The following GGACT variants were observed in gnomAD, a reference collection of about 807,000 sequenced individuals.
The protein encoded by GGACT is gamma-glutamylaminecyclotransferase.
For missense variants in GGACT, 241 were observed against 233.2 expected (o/e 1.03, Z -0.22); for synonymous variants, 118 against 115.3 (o/e 1.02, Z -0.15).
intron 2 of GGACT, among the ~76,000 whole-genome samples, chr13:100,569,970 T>A (rs1875032503): frequency 6.6e-6 from 1 of 152,238 alleles, no homozygotes; most frequent in Non-Finnish European, 1.5e-5. Context: ...CAGCCTGGAC[T>A]TTATTGTCCA....
chr13:100,534,189 T>C lies in GGACT; in HGVS notation c.-10-1588A>G, dbSNP rs2088457663. On this transcript the variant is annotated intron_variant, in intron 2 of 2. Transcript: ENST00000683975. This position sits in a 1 kb window ranked among gnomAD's most constrained non-coding sequence, Gnocchi z 4.9. ...GCACGTCTGCTGCCTCTTGGTTCTA[T>C]CACCAGCCTGTGCAACAACAGTATT... 6.6e-6 allele frequency among the ~76,000 whole-genome samples: 1 copy of C among 152,190 alleles called. No individual in the cohort carries two copies. The highest frequency in any genetic ancestry group is 2.4e-5 in the African/African-American group (1 of 41,446).
chr13:100,575,407 T>C (rs1408961174), intron 2 of GGACT, among the ~76,000 whole-genome samples: 6 of 152,222 alleles, frequency 3.9e-5, no homozygotes, highest in Non-Finnish European at 8.8e-5. Flanking sequence ...TGTTCCTAAA[T>C]CAGACAAAGA....
Position 100,530,244 on chromosome 13 carries a change from A to C in GGACT, c.*1886T>G, listed in dbSNP as rs1178417074. 8.7e-7 allele frequency: 1 copy of C among 1,149,032 alleles called. No individual in the cohort carries two copies. The highest frequency in any genetic ancestry group is 1.3e-6 in the Non-Finnish European group (1 of 761,126). The allele number at this position is 1,149,032 out of a possible 1,614,324, so 71.2% of individuals were successfully genotyped here. Reference sequence around the variant, plus strand: ...GCTTTCACACACAATTGATTCAAGCATTATACAGGAACACCCCTGTGCAGC... The same window carrying C: ...GCTTTCACACACAATTGATTCAAGCCTTATACAGGAACACCCCTGTGCAGC... On this transcript the variant is annotated 3_prime_UTR_variant, in exon 3 of 3. Coordinates refer to ENST00000683975, the MANE Select transcript of GGACT (RefSeq NM_001195087.2).
At chr13:100,587,056 T>C (rs1318899321) in intron 1 of GGACT, 1 of 152,198 alleles carries the variant, frequency 6.6e-6, no homozygotes, top group Non-Finnish European at 1.5e-5. Context: ...ATATTTCGTG[T>C]TTCTGTCCTC....
intron 2 of GGACT, among the ~76,000 whole-genome samples, chr13:100,563,053 C>T (rs927578620): frequency 4.6e-5 from 7 of 152,144 alleles, no homozygotes; most frequent in Non-Finnish European, 7.4e-5. Flanking sequence ...CCAACCCTGC[C>T]GGCCCCTGAT....
intron 2 of GGACT, among the ~76,000 whole-genome samples, chr13:100,547,026 T>G (rs2088612630): frequency 6.6e-6 from 1 of 152,208 alleles, no homozygotes; most frequent in African/African-American, 2.4e-5. Context: ...ACGATGGGCC[T>G]TCAGGCTGTT....
At chr13:100,572,231 T>G (rs1376374609) in intron 2 of GGACT, among the ~76,000 whole-genome samples, 2 of 152,140 alleles carry the variant, frequency 1.3e-5, no homozygotes, top group Non-Finnish European at 2.9e-5. Flanking sequence ...GGAAGGAAAT[T>G]CTGACCCATC....
chr13:100,588,145 G>C (rs1226745448), intron 1 of GGACT, among the ~76,000 whole-genome samples: 1 of 152,172 alleles, frequency 6.6e-6, no homozygotes, highest in Non-Finnish European at 1.5e-5. Flanking sequence ...TGAGCTTGTG[G>C]CGTTGTCCTT....
intron 2 of GGACT, chr13:100,540,284 C>T: frequency 2.8e-6 from 3 of 1,062,736 alleles, no homozygotes; most frequent in Middle Eastern, 2.1e-4. Context: ...GTGGGCTTTT[C>T]TTTTGGGGGA....
chr13:100,579,260 A>G (rs1875340976), intron 2 of GGACT, among the ~76,000 whole-genome samples: 2 of 152,164 alleles, frequency 1.3e-5, no homozygotes, highest in African/African-American at 4.8e-5. Flanking sequence ...CAAATAAAAG[A>G]GCAACTGCAG....
intron 2 of GGACT, among the ~76,000 whole-genome samples, chr13:100,552,155 G>A (rs1285981490): frequency 2.0e-5 from 3 of 152,206 alleles, no homozygotes; most frequent in Non-Finnish European, 4.4e-5. Context: ...ATTTCCCCAG[G>A]AGAGAAGAAG....
chr13:100,581,459 A>G (rs1442712025), intron 2 of GGACT, among the ~76,000 whole-genome samples: 6 of 152,280 alleles, frequency 3.9e-5, no homozygotes, highest in African/African-American at 1.4e-4. Flanking sequence ...AGCAGGAACA[A>G]CTGGAGAACA....
At chr13:100,567,269 C>T (rs1159495330) in intron 2 of GGACT, among the ~76,000 whole-genome samples, 1 of 152,172 alleles carries the variant, frequency 6.6e-6, no homozygotes, top group Non-Finnish European at 1.5e-5. Flanking sequence ...TCTCATTCAC[C>T]ATCAAACCTG....
At position 100,534,580 on chromosome 13, in the gene GGACT, C is replaced by CA. The variant is rs1199634242; in HGVS notation, c.-10-1980_-10-1979insT. 6.6e-6 allele frequency among the ~76,000 whole-genome samples: 1 copy of CA among 151,938 alleles called. No individual in the cohort carries two copies. Among genetic ancestry groups the CA allele is most frequent in the East Asian group, 1.9e-4 (1 of 5,168 alleles). The stretch of plus-strand genomic sequence containing the variant: ...CTACAACAGCGGGCAAGGAGCTATC[C>CA]CAAAAGACGAGCACCTGGGGGGCGA... On this transcript the variant is annotated intron_variant, in intron 2 of 2. Coordinates refer to ENST00000683975, the MANE Select transcript of GGACT (RefSeq NM_001195087.2). This position sits in a 1 kb window ranked among gnomAD's most constrained non-coding sequence, Gnocchi z 4.9.
intron 2 of GGACT, among the ~76,000 whole-genome samples, chr13:100,552,910 C>A: frequency 6.6e-6 from 1 of 152,080 alleles, no homozygotes; most frequent in East Asian, 1.9e-4. Flanking sequence ...TGTCAAGTGT[C>A]CTGCAGGAGA....
intron 2 of GGACT, among the ~76,000 whole-genome samples, chr13:100,549,027 G>A (rs945126485): frequency 6.6e-6 from 1 of 152,230 alleles, no homozygotes. Context: ...CCTCCACTAC[G>A]CGTGGAGGCT....
intron 2 of GGACT, chr13:100,537,559 T>C (rs1378999549): frequency 6.6e-6 from 1 of 152,284 alleles, no homozygotes; most frequent in African/African-American, 2.4e-5. Flanking sequence ...AGGGATGCCC[T>C]GTGCTAAGTG....
At chr13:100,574,780 T>G (rs1875200443) in intron 2 of GGACT, among the ~76,000 whole-genome samples, 1 of 151,996 alleles carries the variant, frequency 6.6e-6, no homozygotes, top group Non-Finnish European at 1.5e-5. Context: ...CACAGGTACC[T>G]CCTGTATCTA....
chr13:100,534,739 TCTC>T lies in GGACT; in HGVS notation c.-10-2141_-10-2139del, dbSNP rs1211084233. Among the ~76,000 whole-genome samples the T allele has an allele frequency of 6.6e-6, 1 of 151,586 alleles. No homozygotes were observed. Among genetic ancestry groups the T allele is most frequent in the Admixed American group, 6.6e-5 (1 of 15,208 alleles). On this transcript the variant is annotated intron_variant, in intron 2 of 2. Coordinates refer to ENST00000683975, the MANE Select transcript of GGACT (RefSeq NM_001195087.2). This position sits in a 1 kb window ranked among gnomAD's most constrained non-coding sequence, Gnocchi z 4.9. ...TCCCCTGCCACGTCTCCCAACCTGCTCTCCTCCTCCAATGCCTGCCTGCATCCC... is the reference window on the plus strand; with the variant it reads ...TCCCCTGCCACGTCTCCCAACCTGCTCTCCTCCAATGCCTGCCTGCATCCC...
Sources: gnomAD v4.1 joint callset for allele counts (sites outside exome capture counted in the v4.1 genomes callset) on GRCh38, gnomAD v4.1.1 for gene constraint, Gnocchi (gnomAD v3.1) non-coding constraint, MANE v1.5 for transcripts, NCBI Gene and HGNC (gene_info 2026-07-23, HGNC 2026-07-21) for gene names.